The following EPHA6 variants were observed in gnomAD, a reference collection of about 807,000 sequenced individuals.
EPHA6 encodes the protein EPH receptor A6, also known as ephrin type-A receptor 6.
In EPHA6, 50 loss-of-function variants were observed where a neutral mutation model predicts 112.0. The ratio of observed to expected loss-of-function variants is 0.45; its 90% CI spans 0.36 to 0.56. EPHA6 has a LOEUF of 0.56. Ranked by LOEUF, EPHA6 falls within the 20% of genes least tolerant of loss-of-function variation. EPHA6 has a pLI of 0.00. For missense variants in EPHA6, 1,280 were observed against 1,417.4 expected (o/e 0.90, Z 1.56); for synonymous variants, 529 against 490.7 (o/e 1.08, Z -1.03).
chr3:96,937,265 C>G lies in EPHA6; in HGVS notation c.451-50065C>G, dbSNP rs1319290084. ...CTATTTCTCCACATCCTCTTCAGCA[C>G]CTGTTGTTTCCTGACTTTTTAATGA... On this transcript the variant is annotated intron_variant, in intron 2 of 17. Transcript: ENST00000389672. Among the ~76,000 whole-genome samples the G allele has an allele frequency of 2.0e-5, 3 of 152,082 alleles. 1 individual carries two copies. The highest frequency in any genetic ancestry group is 7.2e-5 in the African/African-American group (3 of 41,410).
chr3:97,331,676 C>G (rs533617671), intron 5 of EPHA6, among the ~76,000 whole-genome samples: 2 of 152,230 alleles, frequency 1.3e-5, no homozygotes, highest in African/African-American at 4.8e-5. Context: ...ACACATACCC[C>G]CTCCTGAGAC....
intron 10 of EPHA6, among the ~76,000 whole-genome samples, chr3:97,501,729 G>A (rs1370767831): frequency 6.6e-6 from 1 of 151,794 alleles, no homozygotes; most frequent in Non-Finnish European, 1.5e-5. Flanking sequence ...GCTTATTTTA[G>A]AAACAAAGAA....
chr3:97,218,567 C>T (rs1267838434), intron 3 of EPHA6, among the ~76,000 whole-genome samples: 3 of 152,102 alleles, frequency 2.0e-5, no homozygotes, highest in African/African-American at 7.2e-5. Context: ...ATGAGAATAG[C>T]ATCAGGGAAA....
chr3:96,912,520 T>A (rs114522866), intron 2 of EPHA6, among the ~76,000 whole-genome samples: 1,585 of 152,232 alleles, frequency 0.01, 26 homozygotes, highest in African/African-American at 0.036. Context: ...TTAGGATAAT[T>A]AGCATCTAAC....
At position 97,117,474 on chromosome 3, in the gene EPHA6, G is replaced by A. The variant is rs75398658; in HGVS notation, c.1115-108790G>A. ...TTCAGTATGTTTGCATCTTTATTTC[G>A]CTTTGAGTCGATATTTGTATATTGA... On this transcript the variant is annotated intron_variant, in intron 3 of 17. Transcript: ENST00000389672. Among the ~76,000 whole-genome samples, 138 of 151,422 alleles carry A rather than the reference G, an allele frequency of 9.1e-4. 2 individuals carry two copies. In the East Asian group the frequency reaches 0.021, roughly 23 times the overall value.
chr3:97,744,449 C>A (rs1400059813), intron 16 of EPHA6, among the ~76,000 whole-genome samples: 1 of 152,000 alleles, frequency 6.6e-6, no homozygotes, highest in Non-Finnish European at 1.5e-5. Context: ...CATTTTTCAA[C>A]TTCCTTAGAA....
chr3:97,015,066 T>C (rs971848671), intron 3 of EPHA6, among the ~76,000 whole-genome samples: 3 of 152,226 alleles, frequency 2.0e-5, no homozygotes, highest in Non-Finnish European at 4.4e-5. Context: ...AGTTTTATCA[T>C]TGGAGAAGAA....
intron 6 of EPHA6, among the ~76,000 whole-genome samples, chr3:97,436,398 T>A (rs1191654969): frequency 6.6e-6 from 1 of 151,836 alleles, no homozygotes; most frequent in Non-Finnish European, 1.5e-5. Flanking sequence ...CAAACAAATA[T>A]AAAAAAAATT....
intron 2 of EPHA6, among the ~76,000 whole-genome samples, chr3:96,888,888 T>G (rs552867097): frequency 1.1e-3 from 166 of 152,292 alleles, no homozygotes; most frequent in African/African-American, 3.7e-3. Flanking sequence ...GCTAAAAATT[T>G]TTTGAACTTT....
chr3:97,188,158 G>A (rs1158160233), intron 3 of EPHA6, among the ~76,000 whole-genome samples: 1 of 152,044 alleles, frequency 6.6e-6, no homozygotes. Flanking sequence ...GATGGCATGT[G>A]CAAGGCAGCT....
In EPHA6 at chr3:97,392,732, C is replaced by T. The variant is rs183417588; in HGVS notation, c.1607-12418C>T. ...CTTTATTACTTGGCTGCTTCCTTTC[C>T]GTAATATTAGTTAAAATGATTTTAG... On this transcript the variant is annotated intron_variant, in intron 5 of 17. Coordinates refer to ENST00000389672, the MANE Select transcript of EPHA6 (RefSeq NM_001080448.3). Among the ~76,000 whole-genome samples, 136 of 151,550 alleles carry T rather than the reference C, an allele frequency of 9.0e-4. 1 individual carries two copies. The East Asian group carries it at 0.019, about 22-fold the overall frequency.
At chr3:97,402,143 A>C (rs1183047121) in intron 5 of EPHA6, among the ~76,000 whole-genome samples, 2 of 152,014 alleles carry the variant, frequency 1.3e-5, no homozygotes, top group African/African-American at 4.8e-5. Flanking sequence ...GTTGGATGAA[A>C]TGTTTTGTAA....
intron 13 of EPHA6, among the ~76,000 whole-genome samples, chr3:97,619,654 A>ACTC (rs2093797433): frequency 6.6e-6 from 1 of 151,894 alleles, no homozygotes; most frequent in Admixed American, 6.6e-5. Flanking sequence ...TCACAAAGGA[A>ACTC]CCAAATTCAC....
intron 14 of EPHA6, among the ~76,000 whole-genome samples, chr3:97,686,205 C>G (rs2032238865): frequency 6.6e-6 from 1 of 152,162 alleles, no homozygotes; most frequent in Non-Finnish European, 1.5e-5. Context: ...AAGGAACTCT[C>G]TAATACTAAC....
At chr3:97,508,984 CTTTTTTTTTTTTTTTTTTTTT>C (rs141763479) in intron 10 of EPHA6, among the ~76,000 whole-genome samples, 33 of 22,330 alleles carry the variant, frequency 1.5e-3, no homozygotes, top group African/African-American at 3.4e-3. Context: ...GCATCCCTGG[CTTTTTTTTTTTTTTTTTTTTT>C]TTTTTTTTTT....
At chr3:97,353,580 G>A (rs1029545992) in intron 5 of EPHA6, among the ~76,000 whole-genome samples, 5 of 152,020 alleles carry the variant, frequency 3.3e-5, no homozygotes, top group African/African-American at 7.2e-5. Context: ...TTTTTCTTGG[G>A]GCTTGGGTGC....
At chr3:96,977,239 ATTATC>A (rs1427230720) in intron 2 of EPHA6, among the ~76,000 whole-genome samples, 1 of 152,070 alleles carries the variant, frequency 6.6e-6, no homozygotes, top group Non-Finnish European at 1.5e-5. Context: ...ACTGCAGGCT[ATTATC>A]TTAAATGAAA....
intron 2 of EPHA6, among the ~76,000 whole-genome samples, chr3:96,891,398 C>A: frequency 6.6e-6 from 1 of 152,128 alleles, no homozygotes; most frequent in East Asian, 1.9e-4. Context: ...AATCTATAGT[C>A]TTTGAGGTCA....
At chr3:97,583,268 G>A (rs1249941911) in intron 11 of EPHA6, among the ~76,000 whole-genome samples, 4 of 151,892 alleles carry the variant, frequency 2.6e-5, no homozygotes, top group African/African-American at 4.8e-5. Context: ...GGCAGGGCGC[G>A]GTGGCTCATG....
Sources: allele counts gnomAD v4.1 joint callset (sites outside exome capture counted in the v4.1 genomes callset), GRCh38; gene constraint gnomAD v4.1.1; transcripts MANE v1.5; gene names NCBI Gene and HGNC (gene_info 2026-07-23, HGNC 2026-07-21).